Variants in CTNNBL1 observed in about 807,000 individuals in gnomAD.
The protein encoded by CTNNBL1 is beta-catenin-like protein 1.
CTNNBL1 carries 31 observed loss-of-function variants against 72.7 expected under a neutral mutation model. The ratio of observed to expected loss-of-function variants is 0.43; its 90% CI spans 0.32 to 0.58. The LOEUF (loss-of-function observed/expected upper bound fraction) is 0.58, where lower values mean the gene tolerates loss of function less well. Among genes scored for constraint, CTNNBL1 ranks in the 20% least tolerant of loss-of-function variants. The pLI, the probability that CTNNBL1 is intolerant of heterozygous loss-of-function variation, is 0.08. For missense variants in CTNNBL1, 534 were observed against 725.1 expected (o/e 0.74, Z 3.03); for synonymous variants, 240 against 267.3 (o/e 0.90, Z 1.00).
intron 15 of CTNNBL1, among the ~76,000 whole-genome samples, chr20:37,866,385 G>T (rs974565400): frequency 6.6e-6 from 1 of 152,196 alleles, no homozygotes; most frequent in Non-Finnish European, 1.5e-5. Flanking sequence ...AGTTGCCCAG[G>T]TTCACAAGCA....
intron 10 of CTNNBL1, among the ~76,000 whole-genome samples, chr20:37,791,282 T>C (rs146362212): frequency 2.0e-4 from 31 of 152,330 alleles, no homozygotes; most frequent in African/African-American, 7.5e-4. Context: ...AATTGCTGGG[T>C]CATATGTTAG....
rs1355370419 is a variant in CTNNBL1, at chr20:37,870,417, G to A, written c.1604-1508G>A. 3.3e-5 allele frequency among the ~76,000 whole-genome samples: 5 copies of A among 151,902 alleles called. No individual in the cohort carries two copies. In the East Asian group the frequency reaches 5.8e-4, roughly 18 times the overall value. ...CCCTGTTGTTGGCACCAGCACCTGT[G>A]CCCCCAGTCCTTGCGGGGATTCTGG... On this transcript the variant is annotated intron_variant, in intron 15 of 15. Transcript: ENST00000361383.
chr20:37,766,049 A>AT lies in CTNNBL1; in HGVS notation c.658+771dup, dbSNP rs202109408. On this transcript the variant is annotated intron_variant, in intron 6 of 15. Transcript: ENST00000361383. ...GAAGCAGAAAATTTGATGAGATTAG[A>AT]TTTTTTTTTTTTAGCTTCTTTGTGT... Among the ~76,000 whole-genome samples, 1,334 of 147,298 alleles carry AT rather than the reference A, an allele frequency of 9.1e-3. 38 individuals are homozygous for AT. The East Asian group carries it at 0.13, about 14-fold the overall frequency.
chr20:37,717,832 G>A (rs2073000756), intron 1 of CTNNBL1, among the ~76,000 whole-genome samples: 1 of 152,086 alleles, frequency 6.6e-6, no homozygotes, highest in Admixed American at 6.5e-5. Context: ...CTGCCTTCAA[G>A]CATCTGTTTA....
chr20:37,719,403 C>T (rs369234038), intron 1 of CTNNBL1, among the ~76,000 whole-genome samples: 42 of 152,318 alleles, frequency 2.8e-4, no homozygotes, highest in African/African-American at 9.1e-4. Flanking sequence ...GTTCTCTATG[C>T]CCACTCAGCC....
chr20:37,763,718 T>C (rs1307473623), intron 5 of CTNNBL1, among the ~76,000 whole-genome samples: 1 of 152,152 alleles, frequency 6.6e-6, no homozygotes, highest in East Asian at 1.9e-4. Context: ...TCTCCCGTCA[T>C]TGAATTAATG....
At chr20:37,767,872 C>T in intron 6 of CTNNBL1, 81 bp from the exon 7 acceptor site, 3 of 1,095,652 alleles carry the variant, frequency 2.7e-6, no homozygotes, top group Non-Finnish European at 4.2e-6. Flanking sequence ...AGAGGAATAA[C>T]ATGCCTGTCA....
chr20:37,716,879 T>C (rs2072990914), intron 1 of CTNNBL1, among the ~76,000 whole-genome samples: 1 of 152,246 alleles, frequency 6.6e-6, no homozygotes, highest in African/African-American at 2.4e-5. Flanking sequence ...TGGCAGCTAT[T>C]GAATAACAGA....
intron 1 of CTNNBL1, chr20:37,695,067 G>C (rs1323360447): frequency 6.6e-6 from 1 of 152,144 alleles, no homozygotes; most frequent in East Asian, 1.9e-4. Context: ...TTGGAGACTA[G>C]TATGGAAAAA....
rs537642360 is a variant in CTNNBL1, at chr20:37,799,598, C to G, written c.1032-3269C>G. 5.3e-5 allele frequency among the ~76,000 whole-genome samples: 8 copies of G among 152,324 alleles called. No individual in the cohort carries two copies. The East Asian group carries it at 1.5e-3, about 29-fold the overall frequency. Reference sequence around the variant, plus strand: ...GCAAATTATCTCCTCTTCTCATCATCTTGGACTTAATTTCCATTGCTTCAG... The same window carrying G: ...GCAAATTATCTCCTCTTCTCATCATGTTGGACTTAATTTCCATTGCTTCAG... On this transcript the variant is annotated intron_variant, in intron 10 of 15. Transcript: ENST00000361383.
chr20:37,861,826 G>A (rs2072494052), intron 15 of CTNNBL1, among the ~76,000 whole-genome samples: 1 of 152,164 alleles, frequency 6.6e-6, no homozygotes, highest in African/African-American at 2.4e-5. Flanking sequence ...TAGTGTGAGT[G>A]TTACAAAATA....
In CTNNBL1 at chr20:37,737,365, C is replaced by G; in HGVS notation, c.220-13C>G. 6.3e-7 allele frequency: 1 copy of G among 1,597,466 alleles called. No homozygotes were observed. The highest frequency in any genetic ancestry group is 8.6e-7 in the Non-Finnish European group (1 of 1,167,148). On this transcript the variant is annotated splice_polypyrimidine_tract_variant and intron_variant, in intron 2 of 15. Transcript: ENST00000361383. ...TGTGGACTGAAGTTTTTGCATTTGT[C>G]TCTTTGTACCAGGAGGAGCCATTGG...
chr20:37,777,971 T>C (rs1293814699), intron 9 of CTNNBL1, among the ~76,000 whole-genome samples: 1 of 152,342 alleles, frequency 6.6e-6, no homozygotes, highest in Admixed American at 6.5e-5. Context: ...AAAAAAGATG[T>C]GCCTCATGCT....
At chr20:37,704,976 G>C (rs1265276527) in intron 1 of CTNNBL1, among the ~76,000 whole-genome samples, 1 of 152,190 alleles carries the variant, frequency 6.6e-6, no homozygotes, top group Non-Finnish European at 1.5e-5. Context: ...TTTAAATTGA[G>C]GGATTGAATT....
chr20:37,844,478 G>T (rs1222979753), intron 13 of CTNNBL1, among the ~76,000 whole-genome samples: 1 of 152,238 alleles, frequency 6.6e-6, no homozygotes, highest in East Asian at 1.9e-4. Flanking sequence ...AGGTTGGTCA[G>T]TGACTGACTG....
chr20:37,773,858 A>G (rs1031956936), intron 7 of CTNNBL1, among the ~76,000 whole-genome samples: 2 of 150,152 alleles, frequency 1.3e-5, no homozygotes, highest in African/African-American at 4.9e-5. Context: ...GTGTTTTTCT[A>G]GAACCTTCTT....
At chr20:37,709,796 T>C (rs1001585096) in intron 1 of CTNNBL1, among the ~76,000 whole-genome samples, 1 of 152,228 alleles carries the variant, frequency 6.6e-6, no homozygotes, top group Non-Finnish European at 1.5e-5. Context: ...ATGAGATTCC[T>C]TTTTTAAAAA....
Position 37,802,320 on chromosome 20 carries a change from A to G in CTNNBL1, c.1032-547A>G, listed in dbSNP as rs143053555. Among the ~76,000 whole-genome samples, 464 of 152,356 alleles carry G rather than the reference A, an allele frequency of 3.0e-3. 5 individuals are homozygous for G. The highest frequency in any genetic ancestry group is 0.01 in the African/African-American group (416 of 41,590). The stretch of plus-strand genomic sequence containing the variant: ...AATAGGCAAATCTATAAGAAAGAAC[A>G]TAGATCAGTGGTTGCTTAGGGCCAG... On this transcript the variant is annotated intron_variant, in intron 10 of 15. Coordinates refer to ENST00000361383, the MANE Select transcript of CTNNBL1 (RefSeq NM_030877.5).
rs540796641 is a variant in CTNNBL1, at chr20:37,741,033, C to T, written c.326+3549C>T. On this transcript the variant is annotated intron_variant, in intron 3 of 15. Coordinates refer to ENST00000361383, the MANE Select transcript of CTNNBL1 (RefSeq NM_030877.5). ...TTTGCTGGTCATTTGCTGATATTCACCCTTGTGGTTGAAGGAGAATATCCT... is the reference window on the plus strand; with the variant it reads ...TTTGCTGGTCATTTGCTGATATTCATCCTTGTGGTTGAAGGAGAATATCCT... Among the ~76,000 whole-genome samples, 8 of 152,278 alleles carry T rather than the reference C, an allele frequency of 5.3e-5. No homozygotes were observed. In the East Asian group the frequency reaches 7.7e-4, roughly 15 times the overall value.
Sources: gnomAD v4.1 joint callset for allele counts (sites outside exome capture counted in the v4.1 genomes callset) on GRCh38, gnomAD v4.1.1 for gene constraint, MANE v1.5 for transcripts, NCBI Gene and HGNC (gene_info 2026-07-23, HGNC 2026-07-21) for gene names.